Variants in WDPCP observed in about 807,000 individuals in gnomAD.
The protein encoded by WDPCP is WD repeat-containing and planar cell polarity effector protein fritz homolog.
In WDPCP, 71 loss-of-function variants were observed where a neutral mutation model predicts 93.1. The ratio of observed to expected loss-of-function variants is 0.76; its 90% CI spans 0.63 to 0.93. WDPCP has a LOEUF of 0.93. Among genes scored for constraint, WDPCP ranks in the 40% least tolerant of loss-of-function variants. The pLI is 0.00. For missense variants in WDPCP, 844 were observed against 887.4 expected (o/e 0.95, Z 0.62); for synonymous variants, 315 against 315.0 (o/e 1.00, Z 0.00).
intron 11 of WDPCP, among the ~76,000 whole-genome samples, chr2:63,380,470 C>T (rs913695277): frequency 6.6e-6 from 1 of 152,012 alleles, no homozygotes; most frequent in African/African-American, 2.4e-5. Flanking sequence ...AGGCGCAGTA[C>T]GGGCTCACGC....
At chr2:63,707,143 C>T (rs1409246739) in intron 2 of WDPCP, among the ~76,000 whole-genome samples, 1 of 152,072 alleles carries the variant, frequency 6.6e-6, no homozygotes, top group East Asian at 1.9e-4. Flanking sequence ...TTGTGGCGTT[C>T]TCTGTATTTC....
Position 63,317,252 on chromosome 2 carries a change from C to T in WDPCP, c.1749-3941G>A, listed in dbSNP as rs796467909. On this transcript the variant is annotated intron_variant, in intron 12 of 17. Coordinates refer to ENST00000272321, the MANE Select transcript of WDPCP (RefSeq NM_015910.7). Reference sequence around the variant, plus strand: ...CCCAGCACTACTTAAAAAAACAATACAAAACATTAGCTGGGCGTGGTGGCG... The same window carrying T: ...CCCAGCACTACTTAAAAAAACAATATAAAACATTAGCTGGGCGTGGTGGCG... 3.3e-5 allele frequency among the ~76,000 whole-genome samples: 5 copies of T among 151,780 alleles called. No homozygotes were observed. In the South Asian group the frequency reaches 8.3e-4, roughly 25 times the overall value.
At chr2:63,414,460 T>TAC (rs1262446826) in intron 9 of WDPCP, among the ~76,000 whole-genome samples, 42 of 142,878 alleles carry the variant, frequency 2.9e-4, no homozygotes, top group African/African-American at 9.9e-4. Context: ...GATATATATA[T>TAC]ACACACACAT....
chr2:63,166,017 TTTTG>T (rs1381510530), intron 15 of WDPCP, among the ~76,000 whole-genome samples: 47 of 152,012 alleles, frequency 3.1e-4, no homozygotes, highest in Admixed American at 1.9e-3. Context: ...AAATAAAGTT[TTTTG>T]TTTGTTTTGT....
intron 15 of WDPCP, among the ~76,000 whole-genome samples, chr2:63,166,786 G>A (rs910667722): frequency 6.6e-6 from 1 of 152,038 alleles, no homozygotes; most frequent in Non-Finnish European, 1.5e-5. Flanking sequence ...TCATTTCCTT[G>A]TGTTACAAAC....
intron 17 of WDPCP, among the ~76,000 whole-genome samples, chr2:63,150,378 G>A (rs1671807877): frequency 6.6e-6 from 1 of 152,172 alleles, no homozygotes; most frequent in African/African-American, 2.4e-5. Flanking sequence ...CTGGGGTTGG[G>A]AAACTACTGG....
chr2:63,156,184 A>G (rs1281922557), intron 15 of WDPCP, among the ~76,000 whole-genome samples: 2 of 151,300 alleles, frequency 1.3e-5, no homozygotes, highest in African/African-American at 4.9e-5. Flanking sequence ...TTTATTTTTA[A>G]CAGAGACGGT....
chr2:63,200,830 T>C lies in WDPCP; in HGVS notation c.1916-25998A>G, dbSNP rs550785048. On this transcript the variant is annotated intron_variant, in intron 14 of 17. Transcript: ENST00000272321. ...GAGTATAATTGGATTGTATGTAAGATAGACAGTAGAAGGATGGTTACTAGA... is the reference window on the plus strand; with the variant it reads ...GAGTATAATTGGATTGTATGTAAGACAGACAGTAGAAGGATGGTTACTAGA... 4.6e-5 allele frequency among the ~76,000 whole-genome samples: 7 copies of C among 152,152 alleles called. 1 individual carries two copies. The highest frequency in any genetic ancestry group is 1.4e-4 in the African/African-American group (6 of 41,516).
intron 9 of WDPCP, among the ~76,000 whole-genome samples, chr2:63,413,226 C>T (rs572427760): frequency 9.2e-5 from 14 of 152,284 alleles, no homozygotes; most frequent in Admixed American, 4.6e-4. Flanking sequence ...CAAATACTTA[C>T]AGCCAACTGA....
At chr2:63,338,388 T>A (rs913598720) in intron 12 of WDPCP, among the ~76,000 whole-genome samples, 2 of 150,782 alleles carry the variant, frequency 1.3e-5, no homozygotes, top group African/African-American at 4.9e-5. Context: ...CCCGTCTCTA[T>A]TAAAGATACA....
At chr2:63,595,207 C>G (rs1227649543) in intron 3 of WDPCP, among the ~76,000 whole-genome samples, 1 of 152,136 alleles carries the variant, frequency 6.6e-6, no homozygotes, top group Non-Finnish European at 1.5e-5. Flanking sequence ...GGTGATTCCT[C>G]TCACTGTGTC....
At chr2:63,461,138 G>A (rs1558665129) in intron 6 of WDPCP, among the ~76,000 whole-genome samples, 1 of 152,148 alleles carries the variant, frequency 6.6e-6, no homozygotes, top group East Asian at 1.9e-4. Context: ...GGTAGCAAGA[G>A]ATAGTATGTA....
At chr2:63,582,125 G>A (rs1393392423) in intron 1 of WDPCP, among the ~76,000 whole-genome samples, 1 of 152,032 alleles carries the variant, frequency 6.6e-6, no homozygotes, top group Admixed American at 6.6e-5. Context: ...CCCAGGACTG[G>A]CAGACATGTT....
chr2:63,202,798 C>T (rs1437905534), intron 14 of WDPCP, among the ~76,000 whole-genome samples: 1 of 152,082 alleles, frequency 6.6e-6, no homozygotes, highest in East Asian at 1.9e-4. Flanking sequence ...TTTGTTTATC[C>T]TTTATTTTCA....
chr2:63,286,565 A>G (rs1211665496), intron 13 of WDPCP, among the ~76,000 whole-genome samples: 10 of 151,930 alleles, frequency 6.6e-5, no homozygotes, highest in Non-Finnish European at 1.5e-4. Flanking sequence ...CCCTTTGCTG[A>G]CTCTCTTTTC....
chr2:63,613,814 G>A (rs187300847), intron 3 of WDPCP, among the ~76,000 whole-genome samples: 46 of 152,310 alleles, frequency 3.0e-4, no homozygotes, highest in Middle Eastern at 3.4e-3. Flanking sequence ...AGCACAGGGA[G>A]AGGTTATCTC....
intron 2 of WDPCP, among the ~76,000 whole-genome samples, chr2:63,780,780 C>CA (rs1670375249): frequency 6.6e-6 from 1 of 152,136 alleles, no homozygotes; most frequent in Admixed American, 6.6e-5. Flanking sequence ...TGGAGAACAA[C>CA]ATTTATTATG....
At chr2:63,816,744 G>A (rs531945813) in intron 1 of WDPCP, among the ~76,000 whole-genome samples, 1 of 152,126 alleles carries the variant, frequency 6.6e-6, no homozygotes, top group African/African-American at 2.4e-5. Context: ...CTAATACAGG[G>A]ATATTCCTAA....
chr2:63,480,148 GA>G (rs545903206), intron 6 of WDPCP, among the ~76,000 whole-genome samples: 1 of 151,352 alleles, frequency 6.6e-6, no homozygotes, highest in Non-Finnish European at 1.5e-5. Flanking sequence ...AGCTGCAAAA[GA>G]AAAAAAATAT....
Sources: gnomAD v4.1 joint callset for allele counts (sites outside exome capture counted in the v4.1 genomes callset) on GRCh38, gnomAD v4.1.1 for gene constraint, MANE v1.5 for transcripts, NCBI Gene and HGNC (gene_info 2026-07-23, HGNC 2026-07-21) for gene names.